FARSB: variants seen among roughly 807,000 people sequenced by gnomAD.
FARSB encodes the protein phenylalanyl-tRNA synthetase subunit beta.
FARSB carries 40 observed loss-of-function variants against 69.6 expected under a neutral mutation model. That is an observed-to-expected ratio of 0.57 (90% CI 0.45 to 0.75). FARSB has a LOEUF of 0.75. FARSB is among the 30% of genes least tolerant of loss of function. The pLI is 0.00. For synonymous variants in FARSB, 235 were observed against 247.2 expected (o/e 0.95, Z 0.46); for missense variants, 632 against 722.9 (o/e 0.87, Z 1.44).
chr2:222,634,352 T>C (rs1691519021), intron 6 of FARSB, 39 bp downstream of exon 6: 1 of 1,437,072 alleles, frequency 7.0e-7, no homozygotes, highest in African/African-American at 1.4e-5. Context: ...AATTTCATGA[T>C]TTTTGCAAAG....
In FARSB at chr2:222,632,198, C is replaced by G. The variant is rs572034223; in HGVS notation, c.716-524G>C. Among the ~76,000 whole-genome samples, 4 of 152,206 alleles carry G rather than the reference C, an allele frequency of 2.6e-5. No homozygotes were observed. The East Asian group carries it at 7.7e-4, about 29-fold the overall frequency. On this transcript the variant is annotated intron_variant, in intron 7 of 16. Transcript: ENST00000281828. ...AGGGATAAACAACTTATATTTAAAG[C>G]TCCTACTGCAAGTTGAAGAATAAAA...
At chr2:222,598,061 C>A (rs1690466954) in intron 16 of FARSB, among the ~76,000 whole-genome samples, 1 of 152,206 alleles carries the variant, frequency 6.6e-6, no homozygotes, top group African/African-American at 2.4e-5. Context: ...GTTTGCCTTG[C>A]TTCCCCTGTC....
At chr2:222,605,198 T>C (rs1690672597) in intron 15 of FARSB, among the ~76,000 whole-genome samples, 1 of 152,066 alleles carries the variant, frequency 6.6e-6, no homozygotes, top group African/African-American at 2.4e-5. Flanking sequence ...TCTCTCTGTG[T>C]CTCCCTTTCT....
chr2:222,601,779 T>G (rs1350454178), intron 15 of FARSB, among the ~76,000 whole-genome samples: 5 of 152,172 alleles, frequency 3.3e-5, no homozygotes, highest in Non-Finnish European at 5.9e-5. Flanking sequence ...TCCTCCCACC[T>G]TAGCCTCCAG....
At chr2:222,576,062 A>G (rs538328201) in intron 16 of FARSB, among the ~76,000 whole-genome samples, 1 of 150,950 alleles carries the variant, frequency 6.6e-6, no homozygotes, top group Non-Finnish European at 1.5e-5. Context: ...AATTTTAGGG[A>G]GCATCAGAAG....
intron 1 of FARSB, among the ~76,000 whole-genome samples, chr2:222,650,905 A>G (rs1692019661): frequency 6.6e-6 from 1 of 152,248 alleles, no homozygotes; most frequent in South Asian, 2.1e-4. Context: ...CCTAAGTACC[A>G]GAGTAATTTG....
rs1689659359 is a variant in FARSB, at chr2:222,567,968, T to C, written c.*3903A>G. On this transcript the variant is annotated 3_prime_UTR_variant, in exon 17 of 17. Transcript: ENST00000281828. ...ACCTCATTTAAAAGAATGAGATAGG[T>C]CTATAGGCACTGACCTGAAAAAATG... 1 of 152,156 alleles carries C rather than the reference T, an allele frequency of 6.6e-6. No individual in the cohort carries two copies. The highest frequency in any genetic ancestry group is 2.1e-4 in the South Asian group (1 of 4,834). 9.4% of individuals were successfully genotyped at this position (152,156 alleles called of 1,614,324 possible).
At position 222,625,924 on chromosome 2, in the gene FARSB, G is replaced by A. The variant is rs1410793547; in HGVS notation, c.901-1149C>T. On this transcript the variant is annotated intron_variant, in intron 10 of 16. Transcript: ENST00000281828. ...ATCAGATAATAAGCGTTTGGTATAT[G>A]TATTTAATAAGTGAATGTATGCATA... Among the ~76,000 whole-genome samples the A allele has an allele frequency of 3.3e-5, 5 of 152,198 alleles. No individual in the cohort carries two copies. In the South Asian group the frequency reaches 6.2e-4, roughly 19 times the overall value.
intron 8 of FARSB, among the ~76,000 whole-genome samples, chr2:222,631,212 A>C (rs1363906634): frequency 6.6e-6 from 1 of 151,930 alleles, no homozygotes; most frequent in Non-Finnish European, 1.5e-5. Context: ...TAACAAGTAC[A>C]CAAAGGTACC....
At chr2:222,589,522 T>C (rs1690208503) in intron 16 of FARSB, among the ~76,000 whole-genome samples, 1 of 146,956 alleles carries the variant, frequency 6.8e-6, no homozygotes, top group Non-Finnish European at 1.5e-5. Flanking sequence ...TGGTATCTAA[T>C]TAAACTAAAG....
chr2:222,645,789 A>AT (rs976628213), intron 2 of FARSB, among the ~76,000 whole-genome samples: 1 of 152,114 alleles, frequency 6.6e-6, no homozygotes, highest in Non-Finnish European at 1.5e-5. Context: ...CCATAATCAC[A>AT]TTTTTTGGAA....
In FARSB at chr2:222,624,384, G is replaced by C; in HGVS notation, c.1058C>G (p.Pro353Arg). ...DGNQIEIEIP[P>R]TRADIIHACD... The stretch of plus-strand genomic sequence containing the variant: ...TGCATGGATAATGTCAGCTCTGGTT[G>C]GAGGGATTTCAATCTCAATCTGATT... The change falls in exon 12 of 17, where the codon CCA (proline) becomes CGA (arginine). Residue 353 changes from proline to arginine, a missense_variant. By Grantham distance (103) the Pro-to-Arg change is moderately radical. Coordinates refer to ENST00000281828, the MANE Select transcript of FARSB (RefSeq NM_005687.5). 1 of 1,609,144 alleles carries C rather than the reference G, an allele frequency of 6.2e-7. No individual in the cohort carries two copies. Among genetic ancestry groups the C allele is most frequent in the Non-Finnish European group, 8.5e-7 (1 of 1,175,506 alleles).
intron 9 of FARSB, 69 bp from the exon 10 acceptor site, chr2:222,628,957 G>C: frequency 9.1e-7 from 1 of 1,093,810 alleles, no homozygotes; most frequent in Non-Finnish European, 1.4e-6. Flanking sequence ...CATGAGTATG[G>C]TTATCAAATC....
intron 16 of FARSB, among the ~76,000 whole-genome samples, chr2:222,599,088 G>GA (rs150727924): frequency 0.15 from 22,121 of 150,520 alleles, 2,517 homozygotes; most frequent in East Asian, 0.55. Flanking sequence ...ATAAATAAAA[G>GA]AAAAAAACAT....
intron 1 of FARSB, among the ~76,000 whole-genome samples, chr2:222,653,967 A>G (rs1238881351): frequency 6.6e-6 from 1 of 152,192 alleles, no homozygotes; most frequent in Non-Finnish European, 1.5e-5. Flanking sequence ...GAAAAAATCA[A>G]TCTTAATTGA....
At chr2:222,639,526 A>G in intron 5 of FARSB, 54 bp downstream of exon 5, 1 of 761,622 alleles carries the variant, frequency 1.3e-6, no homozygotes. Flanking sequence ...GAAAGGAGAT[A>G]GGGAGACAAA....
chr2:222,595,921 C>CATATATAT (rs143991245), intron 16 of FARSB, among the ~76,000 whole-genome samples: 3,753 of 149,194 alleles, frequency 0.025, 66 homozygotes, highest in Non-Finnish European at 0.041. Flanking sequence ...AAAGAAAAAG[C>CATATATAT]ATATATATAT....
intron 10 of FARSB, among the ~76,000 whole-genome samples, chr2:222,626,068 G>A (rs530259505): frequency 6.6e-6 from 1 of 151,966 alleles, no homozygotes; most frequent in South Asian, 2.1e-4. Flanking sequence ...CCAATGTAGT[G>A]AAACCCCATC....
Position 222,600,037 on chromosome 2 carries a change from G to A in FARSB, c.1509C>T (p.Asn503=). 6.2e-7 allele frequency: 1 copy of A among 1,610,976 alleles called. No homozygotes were observed. The highest frequency in any genetic ancestry group is 8.5e-7 in the Non-Finnish European group (1 of 1,179,250). ...GAATGATCTCAAACCCAGGATTCTT[G>A]TTGTAATAAACAGCACAGAGATGTC... ...NYRHLCAVYY[N]KNPGFEIIHG... Residue 503 remains asparagine, a synonymous_variant, in exon 16 of 17, where the codon AAC becomes AAT. Transcript: ENST00000281828.
Sources: allele counts gnomAD v4.1 joint callset (sites outside exome capture counted in the v4.1 genomes callset), GRCh38; gene constraint gnomAD v4.1.1; transcripts MANE v1.5; gene names NCBI Gene and HGNC (gene_info 2026-07-23, HGNC 2026-07-21).